The following VPS54 variants were observed in gnomAD, a reference collection of about 807,000 sequenced individuals.
VPS54 encodes VPS54 subunit of GARP complex.
In VPS54, 45 loss-of-function variants were observed where a neutral mutation model predicts 121.5. The ratio of observed to expected loss-of-function variants is 0.37; its 90% confidence interval spans 0.29 to 0.47. VPS54 has a LOEUF of 0.47. VPS54 is among the 20% of genes least tolerant of loss of function. The probability of loss-of-function intolerance (pLI) is 0.99; values close to 1 mark genes in which losing one functional copy is unlikely to be tolerated. For synonymous variants in VPS54, 371 were observed against 385.8 expected, an observed-to-expected ratio of 0.96 and a Z score of 0.45; for missense variants, 1,090 against 1,131.4, an observed-to-expected ratio of 0.96 and a Z score of 0.52.
At chr2:63,926,761 G>A (rs1235927259) in intron 12 of VPS54, among the ~76,000 whole-genome samples, 2 of 152,140 alleles carry the variant, frequency 1.3e-5, no homozygotes, top group African/African-American at 4.8e-5. Context: ...ACTGCACCTG[G>A]AGAAGTGGTA....
rs545251932 is a variant in VPS54 at position 63,900,086 on chromosome 2, G to A, written c.2626-505C>T. Among the ~76,000 whole-genome samples, 95 of 152,230 alleles carry A rather than the reference G, an allele frequency of 6.2e-4. 1 individual carries two copies. Among genetic ancestry groups the A allele is most frequent in the African/African-American group, 2.2e-3 (93 of 41,548 alleles). On this transcript the variant is annotated intron_variant, in intron 20 of 22. Coordinates refer to ENST00000272322, the MANE Select transcript of VPS54 (RefSeq NM_016516.3). ...ATTTAAAAATTAGCTGGGGCATGGT[G>A]GCAGGCACCTGCAATCCCAGCTACT...
intron 16 of VPS54, among the ~76,000 whole-genome samples, chr2:63,914,810 T>C (rs1673304190): frequency 1.3e-5 from 2 of 151,692 alleles, no homozygotes; most frequent in South Asian, 2.1e-4. Context: ...AAGGAAAACA[T>C]GTCTCCTAAG....
At chr2:63,997,820 G>A (rs1677672932) in intron 1 of VPS54, among the ~76,000 whole-genome samples, 1 of 151,480 alleles carries the variant, frequency 6.6e-6, no homozygotes, top group Admixed American at 6.6e-5. Flanking sequence ...TCTTTTTGAT[G>A]TAGGCACTTA....
intron 3 of VPS54, among the ~76,000 whole-genome samples, chr2:63,975,892 T>A (rs1437281483): frequency 6.6e-6 from 1 of 152,196 alleles, no homozygotes; most frequent in African/African-American, 2.4e-5. Context: ...ATTACAGGCA[T>A]GCGCCACCAT....
intron 12 of VPS54, among the ~76,000 whole-genome samples, chr2:63,924,824 A>C (rs1428647390): frequency 6.6e-6 from 1 of 152,222 alleles, no homozygotes; most frequent in East Asian, 1.9e-4. Flanking sequence ...AGTAGGAAAG[A>C]CAGCCTTTTC....
intron 20 of VPS54, among the ~76,000 whole-genome samples, chr2:63,904,037 C>T (rs908481502): frequency 1.3e-5 from 2 of 151,900 alleles, no homozygotes; most frequent in African/African-American, 4.8e-5. Flanking sequence ...GTTAAAAACA[C>T]AAGGATAGTA....
intron 7 of VPS54, among the ~76,000 whole-genome samples, chr2:63,954,537 T>A (rs1042485487): frequency 1.3e-5 from 2 of 152,092 alleles, no homozygotes; most frequent in African/African-American, 2.4e-5. Flanking sequence ...CATCAATTCA[T>A]AGAAATATTC....
chr2:63,931,426 T>C (rs551912272), intron 12 of VPS54, among the ~76,000 whole-genome samples: 2 of 152,290 alleles, frequency 1.3e-5, no homozygotes, highest in Non-Finnish European at 2.9e-5. Flanking sequence ...ATTTGATAAA[T>C]GGTGTTGGGA....
At chr2:63,993,415 GTTTCAGCCT>G (rs1418431593) in intron 1 of VPS54, among the ~76,000 whole-genome samples, 4 of 152,094 alleles carry the variant, frequency 2.6e-5, no homozygotes, top group African/African-American at 9.7e-5. Flanking sequence ...GAGTACAGCC[GTTTCAGCCT>G]TTTCAGCTTC....
Position 64,018,974 on chromosome 2 carries a change from A to G in VPS54, c.-57T>C, listed in dbSNP as rs1449778942. The G allele has an allele frequency of 6.6e-6, 1 of 151,760 alleles. No homozygotes were observed. The highest frequency in any genetic ancestry group is 1.5e-5 in the Non-Finnish European group (1 of 67,942). 9.4% of individuals were successfully genotyped at this position (151,760 alleles called of 1,614,324 possible). On this transcript the variant is annotated 5_prime_UTR_variant, in exon 1 of 23. An upstream open reading frame in the 5' UTR loses its in-frame stop. Coordinates refer to ENST00000272322, the MANE Select transcript of VPS54 (RefSeq NM_016516.3). ...GGGGCAGCCGCCCTGAGCGAGGCCT[A>G]GTGCATCGCCGCCGCCTCCAGCCCT...
At chr2:63,926,204 G>A (rs978831757) in intron 12 of VPS54, among the ~76,000 whole-genome samples, 33 of 147,020 alleles carry the variant, frequency 2.2e-4, no homozygotes, top group African/African-American at 7.8e-4. Context: ...AACTACACAT[G>A]AGAATGGTAG....
chr2:63,901,113 C>A (rs984229219), intron 20 of VPS54, among the ~76,000 whole-genome samples: 1 of 152,166 alleles, frequency 6.6e-6, no homozygotes, highest in South Asian at 2.1e-4. Context: ...CCATTCTAAT[C>A]GTATGATTAA....
intron 1 of VPS54, among the ~76,000 whole-genome samples, chr2:63,998,873 T>C (rs147509458): frequency 9.8e-5 from 15 of 152,310 alleles, no homozygotes; most frequent in Admixed American, 6.5e-4. Flanking sequence ...TGTGTACTTA[T>C]ATTGCCAGTT....
intron 20 of VPS54, among the ~76,000 whole-genome samples, chr2:63,902,459 A>G (rs1487933741): frequency 6.6e-6 from 1 of 152,206 alleles, no homozygotes; most frequent in Non-Finnish European, 1.5e-5. Context: ...CATAACAAAC[A>G]TAGCCTGACA....
intron 20 of VPS54, among the ~76,000 whole-genome samples, chr2:63,908,620 A>G (rs948123512): frequency 1.3e-5 from 2 of 152,160 alleles, no homozygotes; most frequent in Non-Finnish European, 2.9e-5. Flanking sequence ...TCTTTCCACC[A>G]TATCTCCCAC....
intron 12 of VPS54, among the ~76,000 whole-genome samples, chr2:63,932,962 G>T (rs1410161869): frequency 1.3e-5 from 2 of 152,152 alleles, no homozygotes; most frequent in African/African-American, 2.4e-5. Context: ...GGTATCCAGG[G>T]ATAATAGTGC....
intron 1 of VPS54, among the ~76,000 whole-genome samples, chr2:63,998,248 TAAC>T (rs1039734792): frequency 6.6e-6 from 1 of 152,184 alleles, no homozygotes. Flanking sequence ...TTTTGTCTGA[TAAC>T]TACTAGAGAA....
chr2:63,932,817 T>C (rs545220873), intron 12 of VPS54, among the ~76,000 whole-genome samples: 4 of 152,276 alleles, frequency 2.6e-5, no homozygotes, highest in Non-Finnish European at 4.4e-5. Flanking sequence ...ACTGGGTCAA[T>C]TGGTAAACTT....
At chr2:63,990,728 CA>C (rs1193730308) in intron 1 of VPS54, among the ~76,000 whole-genome samples, 8 of 152,116 alleles carry the variant, frequency 5.3e-5, no homozygotes, top group Non-Finnish European at 5.9e-5. Context: ...CTTATTATGC[CA>C]AAACAAAGAA....
Sources: gnomAD v4.1 joint callset for allele counts (sites outside exome capture counted in the v4.1 genomes callset) on GRCh38, gnomAD v4.1.1 for gene constraint, MANE v1.5 for transcripts, NCBI Gene and HGNC (gene_info 2026-07-23, HGNC 2026-07-21) for gene names.